PRKN: variants seen among roughly 807,000 people sequenced by gnomAD.
The protein encoded by PRKN is E3 ubiquitin-protein ligase parkin.
PRKN carries 56 observed loss-of-function variants against 59.5 expected under a neutral mutation model. The ratio of observed to expected loss-of-function variants is 0.94; its 90% CI spans 0.76 to 1.18. PRKN has a LOEUF of 1.18. PRKN is among the 50% of genes most tolerant of loss of function. The pLI is 0.00. For missense variants in PRKN, 657 were observed against 596.4 expected (o/e 1.10, Z -1.06); for synonymous variants, 250 against 222.1 (o/e 1.13, Z -1.12).
intron 6 of PRKN, among the ~76,000 whole-genome samples, chr6:161,845,898 G>A (rs1477357421): frequency 6.6e-6 from 1 of 152,166 alleles, no homozygotes; most frequent in Non-Finnish European, 1.5e-5. Flanking sequence ...AATCCGACAC[G>A]AAGAGGTGTT....
At chr6:162,305,094 G>A (rs1782161632) in intron 2 of PRKN, among the ~76,000 whole-genome samples, 1 of 152,062 alleles carries the variant, frequency 6.6e-6, no homozygotes, top group Non-Finnish European at 1.5e-5. Context: ...ACACAAGGGA[G>A]AAATAAAACT....
rs1389842153 is a variant in PRKN at position 161,428,141 on chromosome 6, C to T, written c.1084-41264G>A. On this transcript the variant is annotated intron_variant, in intron 9 of 11. Coordinates refer to ENST00000366898, the MANE Select transcript of PRKN (RefSeq NM_004562.3). This position sits in a 1 kb window ranked among gnomAD's most constrained non-coding sequence, Gnocchi z 4.0. ...TCTTCTGGCACTTGCACTGTGGGGG[C>T]CTTCCTCAAAGCCGTGCGCCTCCAT... Among the ~76,000 whole-genome samples, 1 of 152,144 alleles carries T rather than the reference C, an allele frequency of 6.6e-6. No homozygotes were observed. The highest frequency in any genetic ancestry group is 1.5e-5 in the Non-Finnish European group (1 of 68,036).
intron 2 of PRKN, among the ~76,000 whole-genome samples, chr6:162,321,936 T>C (rs1049070981): frequency 1.3e-5 from 2 of 152,006 alleles, no homozygotes; most frequent in African/African-American, 4.8e-5. Context: ...CCCTCTGAGA[T>C]TGAGGCCTTA....
At chr6:161,597,312 G>A (rs193233716) in intron 7 of PRKN, among the ~76,000 whole-genome samples, 2 of 152,300 alleles carry the variant, frequency 1.3e-5, no homozygotes, top group East Asian at 3.9e-4. Flanking sequence ...CAGGTTTTCT[G>A]TTATTGTAGC....
Position 162,443,360 on chromosome 6 carries a change from A to ACTGGTCAGCCGGAACCCC in PRKN, c.103_120dup (p.Gly35_Gln40dup). The ACTGGTCAGCCGGAACCCC allele has an allele frequency of 6.2e-7, 1 of 1,613,476 alleles. No homozygotes were observed. The highest frequency in any genetic ancestry group is 8.5e-7 in the Non-Finnish European group (1 of 1,180,006). ...TCCTTCCCTGCGAAAATCACACGCAACTGGTCAGCCGGAACCCCCTGTCGC... is the reference window on the plus strand; with the variant it reads ...TCCTTCCCTGCGAAAATCACACGCAACTGGTCAGCCGGAACCCCCTGGTCAGCCGGAACCCCCTGTCGC... On this transcript the variant is annotated inframe_insertion, in exon 2 of 12. Transcript: ENST00000366898.
At chr6:162,081,527 G>A (rs1034556612) in intron 4 of PRKN, among the ~76,000 whole-genome samples, 10 of 152,044 alleles carry the variant, frequency 6.6e-5, no homozygotes, top group Admixed American at 6.6e-5. Context: ...CCCGAGCAGT[G>A]GGTCTCAACA....
intron 1 of PRKN, among the ~76,000 whole-genome samples, chr6:162,465,373 C>A (rs887933777): frequency 1.3e-5 from 2 of 152,134 alleles, no homozygotes; most frequent in African/African-American, 4.8e-5. Flanking sequence ...TTCAGCTTTA[C>A]CAAATTTTCT....
At chr6:161,435,213 A>C (rs1467866067) in intron 9 of PRKN, among the ~76,000 whole-genome samples, 1 of 152,102 alleles carries the variant, frequency 6.6e-6, no homozygotes, top group Non-Finnish European at 1.5e-5. Flanking sequence ...AGATGATTTC[A>C]CTCTAAAATC....
At chr6:162,204,137 C>A (rs1278800253) in intron 3 of PRKN, among the ~76,000 whole-genome samples, 1 of 152,092 alleles carries the variant, frequency 6.6e-6, no homozygotes, top group African/African-American at 2.4e-5. Context: ...CATATAAAAC[C>A]ATTTAGCTTT....
At chr6:161,841,795 C>T (rs187913334) in intron 6 of PRKN, among the ~76,000 whole-genome samples, 41 of 152,294 alleles carry the variant, frequency 2.7e-4, no homozygotes, top group Non-Finnish European at 4.4e-4. Flanking sequence ...CTGATCACCT[C>T]GGCCTGCCTA....
chr6:161,800,348 A>G (rs1791029372), intron 6 of PRKN, among the ~76,000 whole-genome samples: 1 of 152,180 alleles, frequency 6.6e-6, no homozygotes, highest in African/African-American at 2.4e-5. Context: ...TCTCAGAATC[A>G]TGCCCCAACA....
At chr6:161,598,837 A>T (rs1275433057) in intron 7 of PRKN, among the ~76,000 whole-genome samples, 1 of 152,202 alleles carries the variant, frequency 6.6e-6, no homozygotes, top group Non-Finnish European at 1.5e-5. Flanking sequence ...CTCCCCAAAG[A>T]GATATGTTCA....
At chr6:161,358,131 G>A (rs1784833460) in intron 11 of PRKN, among the ~76,000 whole-genome samples, 1 of 151,934 alleles carries the variant, frequency 6.6e-6, no homozygotes, top group African/African-American at 2.4e-5. Context: ...GTGTGTGGGG[G>A]TGTGGGTGTG....
chr6:162,568,758 C>A, intron 1 of PRKN: 2 of 744,502 alleles, frequency 2.7e-6, no homozygotes, highest in Admixed American at 1.7e-5. Context: ...CCCTAGGGGG[C>A]AGCCGGACAC....
intron 8 of PRKN, among the ~76,000 whole-genome samples, chr6:161,557,497 ATG>A (rs1442473914): frequency 6.6e-6 from 1 of 152,120 alleles, no homozygotes; most frequent in Non-Finnish European, 1.5e-5. Context: ...TGTTGACTGC[ATG>A]TTAAGTACAT....
At chr6:161,370,020 A>G (rs928250257) in intron 10 of PRKN, 2 of 440,734 alleles carry the variant, frequency 4.5e-6, no homozygotes, top group Non-Finnish European at 9.3e-6. Flanking sequence ...CACCACCATT[A>G]TTACTTTGTT....
At chr6:162,078,125 T>G (rs1436145654) in intron 4 of PRKN, among the ~76,000 whole-genome samples, 3 of 150,986 alleles carry the variant, frequency 2.0e-5, no homozygotes, top group Non-Finnish European at 4.4e-5. Flanking sequence ...GGGTCTTTTA[T>G]GTTAACAGCT....
At chr6:161,612,082 A>G (rs1419217900) in intron 7 of PRKN, among the ~76,000 whole-genome samples, 1 of 152,218 alleles carries the variant, frequency 6.6e-6, no homozygotes, top group Non-Finnish European at 1.5e-5. Context: ...GAAGCTGCAT[A>G]ACAAAAGTTT....
chr6:162,378,687 C>T (rs1486846168), intron 2 of PRKN, among the ~76,000 whole-genome samples: 1 of 152,204 alleles, frequency 6.6e-6, no homozygotes, highest in Non-Finnish European at 1.5e-5. Flanking sequence ...GTTAAATGAG[C>T]TTAAACTTTA....
Sources: allele counts gnomAD v4.1 joint callset (sites outside exome capture counted in the v4.1 genomes callset), GRCh38; gene constraint gnomAD v4.1.1; non-coding constraint Gnocchi (gnomAD v3.1); transcripts MANE v1.5; gene names NCBI Gene and HGNC (gene_info 2026-07-23, HGNC 2026-07-21).